The following HIPK2 variants were observed in gnomAD, a reference collection of about 807,000 sequenced individuals.
The protein encoded by HIPK2 is homeodomain interacting protein kinase 2.
A neutral mutation model predicts 113.7 loss-of-function variants in HIPK2; 27 were observed. That is an observed-to-expected ratio of 0.24 (90% CI 0.17 to 0.33). The LOEUF is 0.33. Among genes scored for constraint, HIPK2 ranks in the 10% least tolerant of loss-of-function variants. HIPK2 has a pLI of 1.00. For synonymous variants in HIPK2, 631 were observed against 642.2 expected (o/e 0.98, Z 0.26); for missense variants, 1,257 against 1,588.0 (o/e 0.79, Z 3.54).
At chr7:139,666,363 G>A (rs547419037) in intron 2 of HIPK2, among the ~76,000 whole-genome samples, 5 of 152,280 alleles carry the variant, frequency 3.3e-5, no homozygotes, top group South Asian at 4.1e-4. Flanking sequence ...AGAGGCCTTC[G>A]CCACGAAAGC....
At chr7:139,579,149 A>G (rs1210365861) in intron 13 of HIPK2, among the ~76,000 whole-genome samples, 2 of 152,230 alleles carry the variant, frequency 1.3e-5, no homozygotes, top group African/African-American at 2.4e-5. Context: ...CTATTGTTCC[A>G]CAGAGCCCCA....
intron 2 of HIPK2, among the ~76,000 whole-genome samples, chr7:139,654,953 T>C (rs1161353714): frequency 6.6e-6 from 1 of 152,208 alleles, no homozygotes; most frequent in Non-Finnish European, 1.5e-5. Flanking sequence ...TCTAAAGCCC[T>C]TGCCAACACA....
At chr7:139,750,001 G>A (rs1013351414) in intron 1 of HIPK2, among the ~76,000 whole-genome samples, 8 of 152,092 alleles carry the variant, frequency 5.3e-5, no homozygotes, top group African/African-American at 1.4e-4. Context: ...ATCGCTGACC[G>A]CTCTCCAACC....
At chr7:139,579,466 C>G (rs758840408) in intron 13 of HIPK2, among the ~76,000 whole-genome samples, 1 of 152,148 alleles carries the variant, frequency 6.6e-6, no homozygotes, top group South Asian at 2.1e-4. Context: ...TGCATGGAAA[C>G]GACCAGGCCC....
intron 13 of HIPK2, among the ~76,000 whole-genome samples, chr7:139,580,090 A>T (rs1203523045): frequency 6.6e-6 from 1 of 152,176 alleles, no homozygotes; most frequent in African/African-American, 2.4e-5. Context: ...GGCTCTGCAG[A>T]GCCTGCTTCT....
chr7:139,664,133 C>G (rs879471759), intron 2 of HIPK2, among the ~76,000 whole-genome samples: 56 of 147,556 alleles, frequency 3.8e-4, no homozygotes, highest in Admixed American at 2.8e-3. Context: ...GTCAAACAAA[C>G]AAGCAAGCAA....
Position 139,573,257 on chromosome 7 carries a change from T to C in HIPK2, c.3267A>G (p.Ala1089=), listed in dbSNP as rs778484491. 6.2e-7 allele frequency: 1 copy of C among 1,604,262 alleles called. No individual in the cohort carries two copies. Among genetic ancestry groups the C allele is most frequent in the East Asian group, 2.2e-5 (1 of 44,870 alleles). ...TGGGGAGGTGGGCAGCGGCAGCGGC[T>C]GCAGCCAGATGCGGGTGCACAGTGC... ...SHGTVHPHLA[A]AAAAAHLPTQ... Residue 1089 remains alanine, a synonymous_variant, in exon 15 of 15, where the codon GCA becomes GCG. Coordinates refer to ENST00000406875, the MANE Select transcript of HIPK2 (RefSeq NM_022740.5).
At chr7:139,586,227 T>C (rs1798827557) in intron 12 of HIPK2, among the ~76,000 whole-genome samples, 1 of 152,214 alleles carries the variant, frequency 6.6e-6, no homozygotes, top group African/African-American at 2.4e-5. Flanking sequence ...CTCCCAGTTA[T>C]GACAGTTTAA....
chr7:139,682,732 C>T (rs1429364708), intron 2 of HIPK2, among the ~76,000 whole-genome samples: 2 of 152,364 alleles, frequency 1.3e-5, no homozygotes, highest in Admixed American at 1.3e-4. Context: ...GGCAATCTCC[C>T]AAAAGCACTG....
chr7:139,624,964 A>G (rs1800376042), intron 6 of HIPK2, among the ~76,000 whole-genome samples: 1 of 152,016 alleles, frequency 6.6e-6, no homozygotes, highest in Non-Finnish European at 1.5e-5. Flanking sequence ...AGCTACCTAA[A>G]CTTTCTACCC....
intron 2 of HIPK2, among the ~76,000 whole-genome samples, chr7:139,664,746 T>C (rs1024281853): frequency 1.1e-4 from 16 of 152,188 alleles, no homozygotes; most frequent in African/African-American, 3.9e-4. Context: ...TCTCCACCAT[T>C]AACTTAGGTG....
intron 9 of HIPK2, among the ~76,000 whole-genome samples, chr7:139,612,034 G>T (rs182959081): frequency 6.6e-6 from 1 of 151,578 alleles, no homozygotes; most frequent in Non-Finnish European, 1.5e-5. Flanking sequence ...AACATGAAGG[G>T]ACAAGAACAG....
intron 2 of HIPK2, among the ~76,000 whole-genome samples, chr7:139,700,960 T>C (rs1301274737): frequency 3.3e-5 from 5 of 152,210 alleles, no homozygotes; most frequent in African/African-American, 4.8e-5. Flanking sequence ...AACCTTGACA[T>C]GCAATAGAAA....
chr7:139,741,452 G>A (rs1383290715), intron 1 of HIPK2, among the ~76,000 whole-genome samples: 1 of 152,070 alleles, frequency 6.6e-6, no homozygotes, highest in Admixed American at 6.5e-5. Context: ...TGGCAGGCCT[G>A]GCATTATTTT....
At position 139,569,680 on chromosome 7, in the gene HIPK2, T is replaced by C. The variant is rs920602736; in HGVS notation, c.*3247A>G. On this transcript the variant is annotated 3_prime_UTR_variant, in exon 15 of 15. Transcript: ENST00000406875. Reference sequence around the variant, plus strand: ...ACTTTTGTTCTGTGGTGGATCTTTCTTGACGTCTCTTGTTGGGATAGAGAT... The same window carrying C: ...ACTTTTGTTCTGTGGTGGATCTTTCCTGACGTCTCTTGTTGGGATAGAGAT... 5 of 152,206 alleles carry C rather than the reference T, an allele frequency of 3.3e-5. No homozygotes were observed. Among genetic ancestry groups the C allele is most frequent in the Admixed American group, 2.6e-4 (4 of 15,276 alleles). 9.4% of individuals were successfully genotyped at this position (152,206 alleles called of 1,614,324 possible).
Position 139,714,226 on chromosome 7 carries a change from G to T in HIPK2, c.1103+1706C>A, listed in dbSNP as rs1325705596. Among the ~76,000 whole-genome samples, 1 of 152,230 alleles carries T rather than the reference G, an allele frequency of 6.6e-6. No individual in the cohort carries two copies. Among genetic ancestry groups the T allele is most frequent in the Non-Finnish European group, 1.5e-5 (1 of 68,042 alleles). ...GGGCAGGGCAGAGAAGAGGCTCGCA[G>T]AGAGCTGTTCTAACTCAGGAAATGC... On this transcript the variant is annotated intron_variant, in intron 2 of 14. Coordinates refer to ENST00000406875, the MANE Select transcript of HIPK2 (RefSeq NM_022740.5). The surrounding 1 kb of genome is among the most constrained non-coding windows in gnomAD (Gnocchi z 4.2).
intron 13 of HIPK2, among the ~76,000 whole-genome samples, chr7:139,578,043 T>A (rs1289858405): frequency 3.3e-5 from 5 of 151,568 alleles, no homozygotes; most frequent in Non-Finnish European, 1.5e-5. Context: ...AGAGTCTCGC[T>A]CTGTCGCCCA....
At chr7:139,737,070 C>G (rs1372353323) in intron 1 of HIPK2, among the ~76,000 whole-genome samples, 4 of 152,142 alleles carry the variant, frequency 2.6e-5, no homozygotes, top group African/African-American at 9.7e-5. Context: ...TTTAGTTAAG[C>G]AGAAAATGAA....
intron 9 of HIPK2, among the ~76,000 whole-genome samples, chr7:139,607,146 T>C (rs910400868): frequency 4.8e-5 from 7 of 147,344 alleles, no homozygotes; most frequent in African/African-American, 1.8e-4. Context: ...CAAAAGGAGG[T>C]TTCAAAAAAG....
Sources: allele counts gnomAD v4.1 joint callset (sites outside exome capture counted in the v4.1 genomes callset), GRCh38; gene constraint gnomAD v4.1.1; non-coding constraint Gnocchi (gnomAD v3.1); transcripts MANE v1.5; gene names NCBI Gene and HGNC (gene_info 2026-07-23, HGNC 2026-07-21).